LRIF1: variants seen among roughly 807,000 people sequenced by gnomAD.
LRIF1 encodes ligand dependent nuclear receptor interacting factor 1.
In LRIF1, 32 loss-of-function variants were observed where a neutral mutation model predicts 52.7. That is an observed-to-expected ratio of 0.61 (90% CI 0.46 to 0.82). The LOEUF is 0.82. Among genes scored for constraint, LRIF1 ranks in the 40% least tolerant of loss-of-function variants. The pLI, the probability that LRIF1 is intolerant of heterozygous loss-of-function variation, is 0.00. For missense variants in LRIF1, 887 were observed against 892.0 expected, an observed-to-expected ratio of 0.99 and a Z score of 0.07; for synonymous variants, 323 against 317.4, an observed-to-expected ratio of 1.02 and a Z score of -0.19.
At chr1:110,961,183 C>T (rs1658933075) in intron 1 of LRIF1, among the ~76,000 whole-genome samples, 1 of 152,220 alleles carries the variant, frequency 6.6e-6, no homozygotes, top group Admixed American at 6.5e-5. Context: ...TTTCTCTACT[C>T]TCTTCCTTTA....
the LRIF1 span, chr1:110,899,965 C>A: frequency 6.6e-6 from 1 of 152,626 alleles, no homozygotes; most frequent in Non-Finnish European, 1.5e-5. Flanking sequence ...CATGACCCAG[C>A]CTGATTACCC....
chr1:110,921,502 CT>C, the LRIF1 span, among the ~76,000 whole-genome samples: 4 of 149,178 alleles, frequency 2.7e-5, no homozygotes, highest in East Asian at 7.7e-4. Flanking sequence ...CAAAATTTAA[CT>C]AATACAACAA....
At chr1:110,880,007 T>G in the LRIF1 span, among the ~76,000 whole-genome samples, 1 of 152,200 alleles carries the variant, frequency 6.6e-6, no homozygotes, top group Admixed American at 6.5e-5. Context: ...TTCTACCAGC[T>G]CAAGCCCATT....
In LRIF1 at chr1:110,962,194, G is replaced by GT. The variant is rs538395650; in HGVS notation, c.68+1426dup. Among the ~76,000 whole-genome samples the GT allele has an allele frequency of 5.3e-3, 801 of 151,544 alleles. 8 individuals carry two copies. Among genetic ancestry groups the GT allele is most frequent in the African/African-American group, 0.018 (761 of 41,284 alleles). ...AAGTCAGAAGTCAGTAAGTATTCAG[G>GT]TACTAAAATAAGGCTGCAGAAATTA... On this transcript the variant is annotated intron_variant, in intron 1 of 3. Coordinates refer to ENST00000369763, the MANE Select transcript of LRIF1 (RefSeq NM_018372.4).
intron 1 of LRIF1, among the ~76,000 whole-genome samples, chr1:110,955,445 C>T (rs1557841624): frequency 6.6e-6 from 1 of 152,112 alleles, no homozygotes; most frequent in Non-Finnish European, 1.5e-5. Context: ...CTGATCTTTC[C>T]CTGCTTAAAA....
chr1:110,899,683 A>G, the LRIF1 span: 1 of 157,838 alleles, frequency 6.3e-6, no homozygotes, highest in African/African-American at 2.4e-5. Flanking sequence ...TGGCTACAGG[A>G]ATTACACAGT....
intron 1 of LRIF1, among the ~76,000 whole-genome samples, chr1:110,961,918 T>C (rs6695402): frequency 0.17 from 25,161 of 152,016 alleles, 2,609 homozygotes; most frequent in Non-Finnish European, 0.24. Context: ...ACCTCAATGA[T>C]TTAAATAAAT....
the LRIF1 span, chr1:110,895,135 C>T: frequency 3.8e-6 from 4 of 1,050,924 alleles, no homozygotes; most frequent in South Asian, 1.3e-5. Context: ...GTTCCTTTTT[C>T]TGGAAGTTTC....
At chr1:110,886,647 G>A in the LRIF1 span, among the ~76,000 whole-genome samples, 7 of 151,760 alleles carry the variant, frequency 4.6e-5, no homozygotes, top group Non-Finnish European at 7.4e-5. Flanking sequence ...TCAGGCATGC[G>A]AGACCAGCCT....
chr1:110,924,605 G>A, the LRIF1 span, among the ~76,000 whole-genome samples: 7 of 152,206 alleles, frequency 4.6e-5, no homozygotes, highest in East Asian at 7.7e-4. Context: ...GGAGGAAACC[G>A]CCCCCATGAT....
chr1:110,891,546 G>GGAATGA, the LRIF1 span: 6 of 1,115,854 alleles, frequency 5.4e-6, no homozygotes, highest in Non-Finnish European at 8.2e-6. Flanking sequence ...CTACTGAAGA[G>GGAATGA]GCTGGTGTGG....
chr1:110,940,412 A>G, the LRIF1 span: 1 of 152,192 alleles, frequency 6.6e-6, no homozygotes, highest in South Asian at 2.1e-4. Context: ...ACTATTGAGA[A>G]CAGTTTGGAG....
downstream of LRIF1, among the ~76,000 whole-genome samples, chr1:110,946,104 A>G (rs560674865): frequency 2.0e-5 from 3 of 152,360 alleles, no homozygotes; most frequent in South Asian, 2.1e-4. Flanking sequence ...CCAAATATTC[A>G]TAACGAATGG....
At chr1:110,959,691 A>G (rs1215822731) in intron 1 of LRIF1, among the ~76,000 whole-genome samples, 1 of 148,642 alleles carries the variant, frequency 6.7e-6, no homozygotes, top group African/African-American at 2.5e-5. Context: ...TCGAGGTTGC[A>G]GCGAGCCACT....
chr1:110,928,443 A>G, the LRIF1 span, among the ~76,000 whole-genome samples: 2 of 152,184 alleles, frequency 1.3e-5, no homozygotes, highest in African/African-American at 4.8e-5. Flanking sequence ...CCTTCATGTG[A>G]CTATTTATGC....
At chr1:110,879,100 T>C in the LRIF1 span, among the ~76,000 whole-genome samples, 1 of 152,128 alleles carries the variant, frequency 6.6e-6, no homozygotes, top group Non-Finnish European at 1.5e-5. Context: ...AAGGGATTAT[T>C]CTTGCCCCGT....
chr1:110,882,014 C>A, the LRIF1 span, among the ~76,000 whole-genome samples: 1 of 152,134 alleles, frequency 6.6e-6, no homozygotes, highest in East Asian at 1.9e-4. Flanking sequence ...ACTCTGGATA[C>A]ATGCCTTTTA....
the LRIF1 span, chr1:110,936,815 T>C: frequency 2.6e-5 from 4 of 151,958 alleles, no homozygotes; most frequent in Non-Finnish European, 5.9e-5. Flanking sequence ...AAAAACAATA[T>C]TCATTAATCT....
In LRIF1 at chr1:110,952,644, A is replaced by C. The variant is rs946215516; in HGVS notation, c.240T>G (p.Phe80Leu). ...GNTGKPVQVT[F>L]QTQISSSSTS... ...TGGAAGAGCTGGAAATCTGAGTCTG[A>C]AAAGTAACTTGAACTGGTTTTCCTG... is the stretch of plus-strand genomic sequence containing the variant. Residue 80 changes from phenylalanine to leucine, a missense_variant, in exon 2 of 4, where the codon TTT becomes TTG. Physicochemically the swap from Phe to Leu is conservative, Grantham distance 22. Transcript: ENST00000369763. 3.7e-6 allele frequency: 6 copies of C among 1,614,036 alleles called. No homozygotes were observed. In the African/African-American group the frequency reaches 8.0e-5, roughly 22 times the overall value.
Sources: gnomAD v4.1 joint callset for allele counts (sites outside exome capture counted in the v4.1 genomes callset) on GRCh38, gnomAD v4.1.1 for gene constraint, MANE v1.5 for transcripts, NCBI Gene and HGNC (gene_info 2026-07-23, HGNC 2026-07-21) for gene names.